The following RAB33A variants were observed in gnomAD, a reference collection of about 807,000 sequenced individuals.
RAB33A encodes the protein ras-related protein Rab-33A.
RAB33A carries 6 observed loss-of-function variants against 12.0 expected under a neutral mutation model. That is an observed-to-expected ratio of 0.50 (90% CI 0.27 to 0.99). RAB33A has a LOEUF of 0.99. RAB33A is among the 50% of genes least tolerant of loss of function. The probability of loss-of-function intolerance (pLI) is 0.11; values close to 1 mark genes in which losing one functional copy is unlikely to be tolerated. For missense variants in RAB33A, 109 were observed against 192.0 expected (o/e 0.57, Z 2.55); for synonymous variants, 70 against 82.4 (o/e 0.85, Z 0.81).
chrX:130,153,116 C>T, the RAB33A span, among the ~76,000 whole-genome samples: 67 of 103,325 alleles, frequency 6.5e-4, no homozygotes, highest in African/African-American at 2.2e-3. Context: ...GTGGATCACC[C>T]GAGGTCAGGA....
At chrX:130,110,955 G>A in the RAB33A span, among the ~76,000 whole-genome samples, 1 of 88,887 alleles carries the variant, frequency 1.1e-5, no homozygotes, top group Non-Finnish European at 2.2e-5. Flanking sequence ...CAGGGCGGGA[G>A]GGAGGGAAGA....
At chrX:130,140,458 T>C in the RAB33A span, 8 of 879,649 alleles carry the variant, frequency 9.1e-6, no homozygotes, top group South Asian at 6.0e-5. Context: ...TAGTAATGCC[T>C]TCCATAGAGA....
At chrX:130,169,501 C>A (rs905384418), upstream of RAB33A, among the ~76,000 whole-genome samples, 1 of 111,350 alleles carries the variant, frequency 9.0e-6, no homozygotes, top group African/African-American at 3.3e-5. Context: ...ACAATAGGTA[C>A]AATAAGGTAG....
At chrX:130,152,115 A>G in the RAB33A span, among the ~76,000 whole-genome samples, 1 of 110,735 alleles carries the variant, frequency 9.0e-6, no homozygotes, top group Non-Finnish European at 1.9e-5. Context: ...AGAGAAGAGA[A>G]AAGAAAAGAA....
At chrX:130,118,012 G>T in the RAB33A span, among the ~76,000 whole-genome samples, 1 of 112,289 alleles carries the variant, frequency 8.9e-6, no homozygotes, top group Non-Finnish European at 1.9e-5. Context: ...AGTGTGCTGG[G>T]GGATGGGGAC....
At chrX:130,152,011 C>T in the RAB33A span, among the ~76,000 whole-genome samples, 1 of 109,343 alleles carries the variant, frequency 9.1e-6, no homozygotes, top group East Asian at 2.8e-4. Context: ...TGCACTCCAG[C>T]CTGGGCGACA....
At chrX:130,138,251 G>A in the RAB33A span, among the ~76,000 whole-genome samples, 7 of 110,889 alleles carry the variant, frequency 6.3e-5, no homozygotes, top group Non-Finnish European at 1.1e-4. Flanking sequence ...GGATCACCAG[G>A]TCAGGAGATC....
chrX:130,127,744 C>T, the RAB33A span, among the ~76,000 whole-genome samples: 2 of 89,117 alleles, frequency 2.2e-5, no homozygotes, highest in African/African-American at 9.6e-5. Context: ...GGCTGGAGTG[C>T]AGTGGTGTGA....
the RAB33A span, among the ~76,000 whole-genome samples, chrX:130,121,330 C>T: frequency 5.8e-4 from 61 of 105,483 alleles, no homozygotes; most frequent in African/African-American, 1.9e-3. Context: ...CTGTAACCTC[C>T]GCACCCCACC....
chrX:130,133,537 C>G, the RAB33A span: 3 of 1,100,755 alleles, frequency 2.7e-6, no homozygotes, highest in Non-Finnish European at 3.7e-6. Flanking sequence ...TTTGGGGGCT[C>G]AAAGAACACT....
chrX:130,182,504 C>T (rs894710202), intron 1 of RAB33A, among the ~76,000 whole-genome samples: 2 of 110,594 alleles, frequency 1.8e-5, no homozygotes, highest in Non-Finnish European at 3.8e-5. Flanking sequence ...CCTGTAATCC[C>T]AGCTCTTTGG....
At chrX:130,160,413 T>C in the RAB33A span, among the ~76,000 whole-genome samples, 1 of 112,150 alleles carries the variant, frequency 8.9e-6, no homozygotes, top group Admixed American at 9.5e-5. Context: ...ACACATACAA[T>C]GCAATTTCTT....
At chrX:130,120,304 C>T in the RAB33A span, among the ~76,000 whole-genome samples, 3 of 111,476 alleles carry the variant, frequency 2.7e-5, no homozygotes, top group African/African-American at 9.8e-5. Flanking sequence ...CTAACTGTCC[C>T]TCTAGATCCG....
At chrX:130,131,043 G>T in the RAB33A span, among the ~76,000 whole-genome samples, 1 of 112,409 alleles carries the variant, frequency 8.9e-6, no homozygotes, top group Admixed American at 9.4e-5. Flanking sequence ...TCTGGCAAAA[G>T]GATGCAGAAG....
chrX:130,148,113 A>G, the RAB33A span, among the ~76,000 whole-genome samples: 3 of 112,472 alleles, frequency 2.7e-5, no homozygotes, highest in Admixed American at 9.4e-5. Context: ...TCATTCATTC[A>G]TCAGGTCTGA....
chrX:130,177,170 C>T (rs1209248247), intron 1 of RAB33A, among the ~76,000 whole-genome samples: 1 of 112,430 alleles, frequency 8.9e-6, no homozygotes, highest in African/African-American at 3.2e-5. Flanking sequence ...CTCTCCACCC[C>T]CTCCCCACTG....
the RAB33A span, among the ~76,000 whole-genome samples, chrX:130,145,906 C>T: frequency 9.0e-6 from 1 of 111,482 alleles, no homozygotes; most frequent in African/African-American, 3.3e-5. Context: ...GCTCCCCACC[C>T]CCAGCAAAGC....
the RAB33A span, among the ~76,000 whole-genome samples, chrX:130,162,897 T>C: frequency 8.9e-6 from 1 of 111,972 alleles, no homozygotes; most frequent in African/African-American, 3.2e-5. Flanking sequence ...GACTATGAGT[T>C]ACCTTCAATC....
the RAB33A span, among the ~76,000 whole-genome samples, chrX:130,120,471 C>A: frequency 2.7e-5 from 3 of 111,726 alleles, no homozygotes; most frequent in Non-Finnish European, 5.7e-5. Context: ...CCACCCCCAA[C>A]GCCCCAGACA....
Sources: gnomAD v4.1 joint callset for allele counts (sites outside exome capture counted in the v4.1 genomes callset) on GRCh38, gnomAD v4.1.1 for gene constraint, MANE v1.5 for transcripts, NCBI Gene and HGNC (gene_info 2026-07-23, HGNC 2026-07-21) for gene names.